The following AFG1L variants were observed in gnomAD, a reference collection of about 807,000 sequenced individuals.
AFG1L encodes the protein AFG1 like ATPase.
A neutral mutation model predicts 62.2 loss-of-function variants in AFG1L; 53 were observed. That is an observed-to-expected ratio of 0.85 (90% CI 0.68 to 1.07). AFG1L has a LOEUF of 1.07. AFG1L is among the 50% of genes least tolerant of loss of function. AFG1L has a pLI of 0.00. For missense variants in AFG1L, 555 were observed against 590.5 expected (o/e 0.94, Z 0.62); for synonymous variants, 228 against 210.3 (o/e 1.08, Z -0.73).
intron 10 of AFG1L, 70 bp from the exon 11 acceptor site, chr6:108,510,142 C>T: frequency 8.2e-7 from 1 of 1,220,102 alleles, no homozygotes; most frequent in South Asian, 1.5e-5. Context: ...GGTGTTTTTA[C>T]ACTAAACCAC....
chr6:108,498,455 T>A (rs1344152880), intron 10 of AFG1L, among the ~76,000 whole-genome samples: 1 of 152,202 alleles, frequency 6.6e-6, no homozygotes, highest in Non-Finnish European at 1.5e-5. Flanking sequence ...CAAACATTTT[T>A]AAATAATGAA....
At chr6:108,325,770 GC>G (rs1778018827) in intron 2 of AFG1L, among the ~76,000 whole-genome samples, 1 of 151,812 alleles carries the variant, frequency 6.6e-6, no homozygotes, top group African/African-American at 2.4e-5. Context: ...ACAGGCATAA[GC>G]CACTGCACCT....
At chr6:108,437,030 C>T (rs73517910) in intron 7 of AFG1L, among the ~76,000 whole-genome samples, 6,990 of 152,168 alleles carry the variant, frequency 0.046, 528 homozygotes, top group African/African-American at 0.16. Flanking sequence ...TGTGTCCTCA[C>T]ATCATGGAAG....
At chr6:108,364,704 G>T (rs1779680638) in intron 5 of AFG1L, among the ~76,000 whole-genome samples, 1 of 152,066 alleles carries the variant, frequency 6.6e-6, no homozygotes, top group African/African-American at 2.4e-5. Context: ...GACTTTCTCT[G>T]TCAGTGTTTT....
intron 1 of AFG1L, among the ~76,000 whole-genome samples, chr6:108,306,406 C>T (rs747473583): frequency 6.6e-5 from 10 of 152,202 alleles, no homozygotes; most frequent in Admixed American, 2.0e-4. Context: ...CCCCATTCAT[C>T]TTGAATCTTT....
At chr6:108,363,415 G>C (rs751679805) in intron 5 of AFG1L, among the ~76,000 whole-genome samples, 1 of 151,970 alleles carries the variant, frequency 6.6e-6, no homozygotes, top group Non-Finnish European at 1.5e-5. Context: ...TTTTACCTGA[G>C]GTGTTAGATA....
rs1775180749 is a variant in AFG1L at position 108,522,973 on chromosome 6, G to T, written c.*548G>T. The T allele has an allele frequency of 6.6e-6, 1 of 151,610 alleles. No homozygotes were observed. Among genetic ancestry groups the T allele is most frequent in the African/African-American group, 2.4e-5 (1 of 41,218 alleles). 9.4% of individuals were successfully genotyped at this position (151,610 alleles called of 1,614,324 possible). A position where few individuals can be genotyped will look rare whatever the true frequency, so the allele number is the denominator to read the frequency against. ...CCAGGCCTTCAGATTTCTACATAAT[G>T]GAAGAATATGTTTTTAACCCTGAGA... On this transcript the variant is annotated 3_prime_UTR_variant, in exon 13 of 13. Coordinates refer to ENST00000368977, the MANE Select transcript of AFG1L (RefSeq NM_145315.5).
At chr6:108,441,721 ATATATATATAAACTGAGTGTTAG>A (rs369322676) in intron 7 of AFG1L, among the ~76,000 whole-genome samples, 4,382 of 148,496 alleles carry the variant, frequency 0.03, 225 homozygotes, top group African/African-American at 0.1. Context: ...AAATATATAT[ATATATATATAAACTGAGTGTTAG>A]TATTTTTCAG....
rs757992299 is a variant in AFG1L, at chr6:108,480,810, TAAC to T, written c.1062+3527_1062+3529del. Among the ~76,000 whole-genome samples, 38 of 151,956 alleles carry T rather than the reference TAAC, an allele frequency of 2.5e-4. 1 individual carries two copies. The highest frequency in any genetic ancestry group is 4.4e-4 in the Non-Finnish European group (30 of 67,976). On this transcript the variant is annotated intron_variant, in intron 10 of 12. Coordinates refer to ENST00000368977, the MANE Select transcript of AFG1L (RefSeq NM_145315.5). ...CTGTCTCAATAAATAAATAAATAAA[TAAC>T]AACAACAAAAATAAATAAAGTGTAA...
At chr6:108,298,393 G>A (rs1466784242) in intron 1 of AFG1L, among the ~76,000 whole-genome samples, 1 of 151,284 alleles carries the variant, frequency 6.6e-6, no homozygotes, top group Non-Finnish European at 1.5e-5. Context: ...AGCCTCCTGA[G>A]TAGCTGGAAT....
chr6:108,518,355 A>G (rs950103586), intron 11 of AFG1L, among the ~76,000 whole-genome samples: 57 of 152,172 alleles, frequency 3.7e-4, no homozygotes, highest in Non-Finnish European at 7.5e-4. Flanking sequence ...TTGTAGGGAC[A>G]TGGATGAAGC....
chr6:108,323,978 T>C lies in AFG1L; in HGVS notation c.293T>C (p.Ile98Thr). ...LKDDEHQRRVIQCLQKLHEDL... is the reference protein window; with the variant it reads ...LKDDEHQRRVTQCLQKLHEDL... ...GATGATGAACATCAAAGAAGAGTCA[T>C]ACAGTGTTTGCAGAAATTACACGAG... Residue 98 changes from isoleucine (I) to threonine (T), a missense_variant, in exon 2 of 13, where the codon ATA becomes ACA. Coordinates refer to ENST00000368977, the MANE Select transcript of AFG1L (RefSeq NM_145315.5). The C allele has an allele frequency of 1.2e-6, 2 of 1,614,194 alleles. No homozygotes were observed. Among genetic ancestry groups the C allele is most frequent in the Middle Eastern group, 1.6e-4 (1 of 6,062 alleles).
intron 10 of AFG1L, among the ~76,000 whole-genome samples, chr6:108,489,634 G>A (rs183340260): frequency 6.6e-6 from 1 of 152,306 alleles, no homozygotes; most frequent in African/African-American, 2.4e-5. Flanking sequence ...TTGAGAGATT[G>A]CACGAAACAA....
intron 1 of AFG1L, among the ~76,000 whole-genome samples, chr6:108,322,168 A>G (rs148160368): frequency 0.011 from 1,687 of 152,224 alleles, 25 homozygotes; most frequent in African/African-American, 0.038. Flanking sequence ...TCAGCCTCCC[A>G]AAGTGCTAGG....
At chr6:108,430,392 C>G (rs541324708) in intron 7 of AFG1L, among the ~76,000 whole-genome samples, 1 of 152,304 alleles carries the variant, frequency 6.6e-6, no homozygotes, top group South Asian at 2.1e-4. Flanking sequence ...TAACAACAAG[C>G]TATTGCAAAA....
chr6:108,510,479 A>C, intron 11 of AFG1L, 127 bp downstream of exon 11: 1 of 684,940 alleles, frequency 1.5e-6, no homozygotes, highest in Non-Finnish European at 2.4e-6. Context: ...CCATTCCCTC[A>C]TGTGTGAATT....
intron 5 of AFG1L, 47 bp from the exon 6 acceptor site, chr6:108,366,186 A>G (rs1199517945): frequency 8.4e-7 from 1 of 1,193,052 alleles, no homozygotes; most frequent in Non-Finnish European, 1.2e-6. Context: ...CAAATTTGTT[A>G]CAGCAGAAGT....
At chr6:108,303,828 T>C (rs772537453) in intron 1 of AFG1L, among the ~76,000 whole-genome samples, 3 of 152,208 alleles carry the variant, frequency 2.0e-5, no homozygotes, top group African/African-American at 4.8e-5. Flanking sequence ...ATGAATGGGT[T>C]TAAAAATCTT....
At chr6:108,469,760 G>C (rs1031823763) in intron 8 of AFG1L, among the ~76,000 whole-genome samples, 2 of 152,128 alleles carry the variant, frequency 1.3e-5, no homozygotes, top group Non-Finnish European at 2.9e-5. Flanking sequence ...GGAGGATTTT[G>C]AGTTATTTGC....
Sources: gnomAD v4.1 joint callset for allele counts (sites outside exome capture counted in the v4.1 genomes callset) on GRCh38, gnomAD v4.1.1 for gene constraint, MANE v1.5 for transcripts, NCBI Gene and HGNC (gene_info 2026-07-23, HGNC 2026-07-21) for gene names.